Variants in FAAH2 observed in about 807,000 individuals in gnomAD.
The protein encoded by FAAH2 is fatty-acid amide hydrolase 2.
Under a neutral mutation model 36.9 loss-of-function variants are expected in FAAH2, and 60 were observed. The ratio of observed to expected loss-of-function variants is 1.63; its 90% CI spans 1.32 to 2.02. The LOEUF (loss-of-function observed/expected upper bound fraction) is 2.02. Ranked by LOEUF, FAAH2 falls within the 30% of genes most tolerant of loss-of-function variation. The pLI, the probability that FAAH2 is intolerant of heterozygous loss-of-function variation, is 0.00. For missense variants in FAAH2, 689 were observed against 397.5 expected, an observed-to-expected ratio of 1.73 and a Z score of -6.23; for synonymous variants, 214 against 143.8, an observed-to-expected ratio of 1.49 and a Z score of -3.49.
rs372280516 is a variant in FAAH2, at chrX:57,378,624, G to A, written c.743-27G>A. On this transcript the variant is annotated intron_variant, in intron 5 of 10. Transcript: ENST00000374900. ...GCAGGGATCATGTCTTATTTTGGGC[G>A]GCTAACCTGACTGTCTATCCTTTCA... 20 of 1,206,474 alleles carry A rather than the reference G, an allele frequency of 1.7e-5. No individual in the cohort carries two copies. The African/African-American group carries it at 1.9e-4, about 12-fold the overall frequency.
the FAAH2 span, among the ~76,000 whole-genome samples, chrX:57,193,004 C>T: frequency 8.9e-6 from 1 of 111,899 alleles, no homozygotes; most frequent in African/African-American, 3.2e-5. Flanking sequence ...AATCTGGGCA[C>T]CTTGAAGAAA....
At chrX:57,371,344 C>T (rs1455117806) in intron 5 of FAAH2, among the ~76,000 whole-genome samples, 5 of 111,476 alleles carry the variant, frequency 4.5e-5, no homozygotes, top group South Asian at 3.8e-4. Flanking sequence ...TGAGAACATG[C>T]GGTATTTGGT....
intron 7 of FAAH2, among the ~76,000 whole-genome samples, chrX:57,427,572 T>C (rs769542434): frequency 5.1e-4 from 57 of 111,654 alleles, no homozygotes; most frequent in Non-Finnish European, 9.6e-4. Context: ...CAAGTTGGTT[T>C]TAACCCAGAG....
chrX:57,187,245 G>A, the FAAH2 span, among the ~76,000 whole-genome samples: 1 of 110,792 alleles, frequency 9.0e-6, no homozygotes, highest in East Asian at 2.9e-4. Context: ...CTTGAGCAGT[G>A]GAGTGGTTTC....
chrX:57,330,456 A>G (rs888984411), intron 3 of FAAH2, among the ~76,000 whole-genome samples: 14 of 111,785 alleles, frequency 1.3e-4, no homozygotes, highest in African/African-American at 4.6e-4. Context: ...GATGTTATCA[A>G]TGGCAATGGT....
chrX:57,479,886 G>A, intron 10 of FAAH2, among the ~76,000 whole-genome samples: 1 of 111,524 alleles, frequency 9.0e-6, no homozygotes, highest in East Asian at 2.8e-4. Flanking sequence ...AAGAAGAAAA[G>A]AGAGAAGAAT....
chrX:57,303,106 G>GCA (rs1366855574), intron 2 of FAAH2, among the ~76,000 whole-genome samples: 1 of 111,454 alleles, frequency 9.0e-6, no homozygotes, highest in Non-Finnish European at 1.9e-5. Flanking sequence ...CATACTTAAG[G>GCA]CACTACCTTT....
At chrX:57,281,778 C>T (rs1178720232), upstream of FAAH2, among the ~76,000 whole-genome samples, 1 of 111,216 alleles carries the variant, frequency 9.0e-6, no homozygotes, top group Non-Finnish European at 1.9e-5. Flanking sequence ...GGCCATATGT[C>T]CTCATTGTTT....
intron 7 of FAAH2, among the ~76,000 whole-genome samples, chrX:57,414,752 C>T (rs1179201925): frequency 9.1e-6 from 1 of 110,443 alleles, no homozygotes. Context: ...GGGCGGATTC[C>T]CTCTGTTTCT....
the FAAH2 span, among the ~76,000 whole-genome samples, chrX:57,198,726 A>T: frequency 8.9e-6 from 1 of 112,458 alleles, no homozygotes; most frequent in Non-Finnish European, 1.9e-5. Flanking sequence ...TTGGTGATAA[A>T]CTTAGAAATG....
chrX:57,383,438 C>A (rs769591419), intron 7 of FAAH2, among the ~76,000 whole-genome samples: 16 of 111,935 alleles, frequency 1.4e-4, no homozygotes, highest in Non-Finnish European at 3.0e-4. Flanking sequence ...ATCTTCTCAG[C>A]CCAAAATCTC....
At chrX:57,144,603 T>C in the FAAH2 span, among the ~76,000 whole-genome samples, 1 of 109,835 alleles carries the variant, frequency 9.1e-6, no homozygotes, top group Non-Finnish European at 1.9e-5. Flanking sequence ...ATTTGTGAGA[T>C]TTTGGTGCAC....
chrX:57,259,525 A>G, the FAAH2 span, among the ~76,000 whole-genome samples: 1 of 112,260 alleles, frequency 8.9e-6, no homozygotes, highest in East Asian at 2.8e-4. Flanking sequence ...ATTAATCCAG[A>G]CACAGAAAGA....
At chrX:57,483,419 C>G (rs999067515) in intron 10 of FAAH2, among the ~76,000 whole-genome samples, 5 of 110,471 alleles carry the variant, frequency 4.5e-5, no homozygotes, top group African/African-American at 1.6e-4. Flanking sequence ...CTGAATTGCC[C>G]TCATATTTTC....
At chrX:57,440,538 C>T (rs997387418) in intron 8 of FAAH2, among the ~76,000 whole-genome samples, 5 of 111,380 alleles carry the variant, frequency 4.5e-5, no homozygotes, top group African/African-American at 1.6e-4. Context: ...ACAGTCATGT[C>T]ATCTGCAAAC....
intron 2 of FAAH2, among the ~76,000 whole-genome samples, chrX:57,295,295 C>T (rs2052102979): frequency 8.9e-6 from 1 of 112,403 alleles, no homozygotes; most frequent in South Asian, 3.7e-4. Flanking sequence ...GGATGAAAGG[C>T]TATTGTTGAA....
chrX:57,231,210 T>C, the FAAH2 span, among the ~76,000 whole-genome samples: 61 of 110,821 alleles, frequency 5.5e-4, 1 homozygote, highest in South Asian at 1.2e-3. Flanking sequence ...TTTGGTTCAA[T>C]TCACTTTTAT....
intron 7 of FAAH2, among the ~76,000 whole-genome samples, chrX:57,429,323 A>T (rs1177277269): frequency 1.0e-5 from 1 of 98,576 alleles, no homozygotes; most frequent in African/African-American, 3.6e-5. Flanking sequence ...TGGGCCATAG[A>T]GTGAGATTCC....
intron 2 of FAAH2, among the ~76,000 whole-genome samples, chrX:57,293,123 A>G (rs775200959): frequency 9.0e-6 from 1 of 111,502 alleles, no homozygotes; most frequent in East Asian, 2.8e-4. Flanking sequence ...TTCTTAGCAC[A>G]CCATGACATA....
Sources: gnomAD v4.1 joint callset for allele counts (sites outside exome capture counted in the v4.1 genomes callset) on GRCh38, gnomAD v4.1.1 for gene constraint, MANE v1.5 for transcripts, NCBI Gene and HGNC (gene_info 2026-07-23, HGNC 2026-07-21) for gene names.